TRIM11: variants seen among roughly 807,000 people sequenced by gnomAD.
The protein encoded by TRIM11 is tripartite motif containing 11.
A neutral mutation model predicts 33.4 loss-of-function variants in TRIM11; 15 were observed. The ratio of observed to expected loss-of-function variants is 0.45; its 90% CI spans 0.30 to 0.69. TRIM11 has a LOEUF of 0.69. Among genes scored for constraint, TRIM11 ranks in the 30% least tolerant of loss-of-function variants. The pLI, the probability that TRIM11 is intolerant of heterozygous loss-of-function variation, is 0.08. For synonymous variants in TRIM11, 281 were observed against 302.6 expected, an observed-to-expected ratio of 0.93 and a Z score of 0.74; for missense variants, 499 against 667.6, an observed-to-expected ratio of 0.75 and a Z score of 2.78.
At position 228,401,918 on chromosome 1, in the gene TRIM11, T is replaced by C; in HGVS notation, c.504+148A>G. On this transcript the variant is annotated intron_variant, in intron 2 of 5. Coordinates refer to ENST00000284551, the MANE Select transcript of TRIM11 (RefSeq NM_145214.3). The surrounding 1 kb of genome is among the most constrained non-coding windows in gnomAD (Gnocchi z 6.1). ...ACGTGGGAAAGGACCAGCCCTTCAG[T>C]GGGCTCGGTGGGGCCAGGCTGAAGC... 1 of 527,270 alleles carries C rather than the reference T, an allele frequency of 1.9e-6. No individual in the cohort carries two copies. The allele number at this position is 527,270 out of a possible 1,614,324, so 32.7% of individuals were successfully genotyped here.
rs1354188988 is a variant in TRIM11, at chr1:228,406,346, A to G, written c.216T>C (p.Ala72=). 42 of 1,489,036 alleles carry G rather than the reference A, an allele frequency of 2.8e-5. No homozygotes were observed. The highest frequency in any genetic ancestry group is 3.7e-5 in the Non-Finnish European group (42 of 1,120,928). The allele number at this position is 1,489,036 out of a possible 1,614,324, so 92.2% of individuals were successfully genotyped here. A position where few individuals can be genotyped will look rare whatever the true frequency, so the allele number is the denominator to read the frequency against. Residue 72 remains alanine, a synonymous_variant, in exon 1 of 6, where the codon GCT becomes GCC. Transcript: ENST00000284551. The surrounding 1 kb of genome is among the most constrained non-coding windows in gnomAD (Gnocchi z 8.2). Reference sequence around the variant, plus strand: ...GGCGCCGCGCCATCTCGGCCATCTTAGCAAGCGGGCGGTTGGGCCGCAGGT... The same window carrying G: ...GGCGCCGCGCCATCTCGGCCATCTTGGCAAGCGGGCGGTTGGGCCGCAGGT... ...QRNLRPNRPL[A]KMAEMARRLH... is the part of the protein sequence containing the mutation.
rs754851987 is a variant in TRIM11, at chr1:228,406,520, G to A, written c.42C>T (p.Ala14=). 1.3e-6 allele frequency: 2 copies of A among 1,576,724 alleles called. No homozygotes were observed. The highest frequency in any genetic ancestry group is 1.1e-5 in the South Asian group (1 of 87,608). ...AGTAGTCGAGGCAGATGGCGCAGGTGGCCTCCTCCTGGAGGTTGGTGGACA... is the reference window on the plus strand; with the variant it reads ...AGTAGTCGAGGCAGATGGCGCAGGTAGCCTCCTCCTGGAGGTTGGTGGACA... ...PDLSTNLQEE[A]TCAICLDYFT... is the part of the protein sequence containing the mutation. The change falls in exon 1 of 6, where the codon GCC becomes GCT. Residue 14 remains alanine, a synonymous_variant. Coordinates refer to ENST00000284551, the MANE Select transcript of TRIM11 (RefSeq NM_145214.3). The surrounding 1 kb of genome is among the most constrained non-coding windows in gnomAD (Gnocchi z 8.2).
Position 228,406,644 on chromosome 1 carries a change from C to G in TRIM11, c.-83G>C, listed in dbSNP as rs2149095781. On this transcript the variant is annotated 5_prime_UTR_variant, in exon 1 of 6. Transcript: ENST00000284551. This position sits in a 1 kb window ranked among gnomAD's most constrained non-coding sequence, Gnocchi z 8.2. The stretch of plus-strand genomic sequence containing the variant: ...GGCAGCTCGCGGGGACGCGGGGTAT[C>G]CGGGTGCGGCGGCGCAGGCTCGGGC... 4 of 1,297,424 alleles carry G rather than the reference C, an allele frequency of 3.1e-6. No individual in the cohort carries two copies. The highest frequency in any genetic ancestry group is 3.9e-6 in the Non-Finnish European group (4 of 1,015,530). The allele number at this position is 1,297,424 out of a possible 1,614,324, so 80.4% of individuals were successfully genotyped here. A position where few individuals can be genotyped will look rare whatever the true frequency, so the allele number is the denominator to read the frequency against.
chr1:228,395,696 G>GT lies in TRIM11; in HGVS notation c.860-445dup, dbSNP rs2074980175. 1 of 155,740 alleles carries GT rather than the reference G, an allele frequency of 6.4e-6. No individual in the cohort carries two copies. The highest frequency in any genetic ancestry group is 6.5e-5 in the Admixed American group (1 of 15,332). 9.6% of individuals were successfully genotyped at this position (155,740 alleles called of 1,614,324 possible). On this transcript the variant is annotated intron_variant, in intron 5 of 5. Transcript: ENST00000284551. This position sits in a 1 kb window ranked among gnomAD's most constrained non-coding sequence, Gnocchi z 4.8. The stretch of plus-strand genomic sequence containing the variant: ...GCCACCATGGCTGGCTCATTTTTTT[G>GT]TTTTTTATTTGTAGAGATGGGAGTC...
In TRIM11 at chr1:228,401,014, T is replaced by C. The variant is rs765091828; in HGVS notation, c.685A>G (p.Ile229Val). The C allele has an allele frequency of 1.2e-6, 2 of 1,606,482 alleles. No individual in the cohort carries two copies. The highest frequency in any genetic ancestry group is 2.2e-5 in the South Asian group (2 of 90,672). Residue 229 changes from isoleucine to valine, a missense_variant, in exon 3 of 6, where the codon ATC becomes GTC. By Grantham distance (29) the Ile-to-Val change is conservative. Coordinates refer to ENST00000284551, the MANE Select transcript of TRIM11 (RefSeq NM_145214.3). The surrounding 1 kb of genome is among the most constrained non-coding windows in gnomAD (Gnocchi z 6.1). The stretch of plus-strand genomic sequence containing the variant: ...TGGCAGCGGCCCTCGAGCTCGGCGA[T>C]GAGCTCAGCTAGGTGGGCGCTCTGC... ...GQQSAHLAEL[I>V]AELEGRCQLP...
At chr1:228,397,229 TC>T in intron 3 of TRIM11, 64 bp from the exon 4 acceptor site, 1 of 1,551,584 alleles carries the variant, frequency 6.4e-7, no homozygotes, top group Non-Finnish European at 8.8e-7. Flanking sequence ...TGGAGTCCCC[TC>T]CCCGCCCCTG....
Position 228,395,281 on chromosome 1 carries a change from G to T in TRIM11, c.860-29C>A, listed in dbSNP as rs1407448485. On this transcript the variant is annotated intron_variant, in intron 5 of 5. Transcript: ENST00000284551. This position sits in a 1 kb window ranked among gnomAD's most constrained non-coding sequence, Gnocchi z 4.8. ...CAGAGAGAGGCCCAAGGTCACCCAG[G>T]CACAGCCACAGGCAAGCTGGGGCCA... The T allele has an allele frequency of 7.0e-7, 1 of 1,424,402 alleles. No individual in the cohort carries two copies. Among genetic ancestry groups the T allele is most frequent in the East Asian group, 2.5e-5 (1 of 39,908 alleles). 88.2% of individuals were successfully genotyped at this position (1,424,402 alleles called of 1,614,324 possible).
In TRIM11 at chr1:228,401,954, C is replaced by G; in HGVS notation, c.504+112G>C. The G allele has an allele frequency of 3.9e-6, 3 of 766,224 alleles. No homozygotes were observed. The highest frequency in any genetic ancestry group is 6.0e-6 in the Non-Finnish European group (3 of 501,610). 47.5% of individuals were successfully genotyped at this position (766,224 alleles called of 1,614,324 possible). ...GGGCCAGGCTGAAGCAGTGACTGGTCCTGGGGCGCCAAGGGCAAGTGTGCC... is the reference window on the plus strand; with the variant it reads ...GGGCCAGGCTGAAGCAGTGACTGGTGCTGGGGCGCCAAGGGCAAGTGTGCC... On this transcript the variant is annotated intron_variant, in intron 2 of 5. Transcript: ENST00000284551. This position sits in a 1 kb window ranked among gnomAD's most constrained non-coding sequence, Gnocchi z 6.1.
At position 228,394,180 on chromosome 1, in the gene TRIM11, C is replaced by T. The variant is rs544814702; in HGVS notation, c.*525G>A. ...TCTCTGAAGACTCTTATTATGGCTGCCTCCTAATTCTTCCAGAGCAGCCAC... is the reference window on the plus strand; with the variant it reads ...TCTCTGAAGACTCTTATTATGGCTGTCTCCTAATTCTTCCAGAGCAGCCAC... On this transcript the variant is annotated 3_prime_UTR_variant, in exon 6 of 6. Transcript: ENST00000284551. This position sits in a 1 kb window ranked among gnomAD's most constrained non-coding sequence, Gnocchi z 6.2. 1 of 153,874 alleles carries T rather than the reference C, an allele frequency of 6.5e-6. No individual in the cohort carries two copies. Among genetic ancestry groups the T allele is most frequent in the African/African-American group, 2.4e-5 (1 of 41,512 alleles). 9.5% of individuals were successfully genotyped at this position (153,874 alleles called of 1,614,324 possible).
In TRIM11 at chr1:228,395,531, TTTA is replaced by T; in HGVS notation, c.860-282_860-280del. On this transcript the variant is annotated intron_variant, in intron 5 of 5. Coordinates refer to ENST00000284551, the MANE Select transcript of TRIM11 (RefSeq NM_145214.3). This position sits in a 1 kb window ranked among gnomAD's most constrained non-coding sequence, Gnocchi z 4.8. ...AATCTTGGTTGCTTTTTTTTTTTTTTTTAAAGAGGCAGGGTCTTGCTCTGTGGC... is the reference window on the plus strand; with the variant it reads ...AATCTTGGTTGCTTTTTTTTTTTTTTAAGAGGCAGGGTCTTGCTCTGTGGC... 1.5e-5 allele frequency: 5 copies of T among 324,970 alleles called. No individual in the cohort carries two copies. The highest frequency in any genetic ancestry group is 9.7e-5 in the East Asian group (2 of 20,618). The allele number at this position is 324,970 out of a possible 1,614,324, so 20.1% of individuals were successfully genotyped here.
At position 228,395,297 on chromosome 1, in the gene TRIM11, G is replaced by A. The variant is rs1423396657; in HGVS notation, c.860-45C>T. The A allele has an allele frequency of 7.1e-7, 1 of 1,414,570 alleles. No individual in the cohort carries two copies. Among genetic ancestry groups the A allele is most frequent in the Non-Finnish European group, 9.2e-7 (1 of 1,088,132 alleles). The allele number at this position is 1,414,570 out of a possible 1,614,324, so 87.6% of individuals were successfully genotyped here. ...GTCACCCAGGCACAGCCACAGGCAA[G>A]CTGGGGCCATCTGCCCATGTCCTGG... is the stretch of plus-strand genomic sequence containing the variant. On this transcript the variant is annotated intron_variant, in intron 5 of 5. Transcript: ENST00000284551. This position sits in a 1 kb window ranked among gnomAD's most constrained non-coding sequence, Gnocchi z 4.8.
In TRIM11 at chr1:228,395,374, C is replaced by T. The variant is rs1477167721; in HGVS notation, c.860-122G>A. 1.8e-6 allele frequency: 2 copies of T among 1,088,508 alleles called. No individual in the cohort carries two copies. The highest frequency in any genetic ancestry group is 2.4e-6 in the Non-Finnish European group (2 of 829,606). The allele number at this position is 1,088,508 out of a possible 1,614,324, so 67.4% of individuals were successfully genotyped here. On this transcript the variant is annotated intron_variant, in intron 5 of 5. Transcript: ENST00000284551. The surrounding 1 kb of genome is among the most constrained non-coding windows in gnomAD (Gnocchi z 4.8). Reference sequence around the variant, plus strand: ...GACGGCCTGGCTCTCTGCCCTGGGCCTGTAGCCTCACAACCTCCTGGAGTA... The same window carrying T: ...GACGGCCTGGCTCTCTGCCCTGGGCTTGTAGCCTCACAACCTCCTGGAGTA...
In TRIM11 at chr1:228,401,360, C is replaced by T. The variant is rs1187764522; in HGVS notation, c.505-166G>A. Among the ~76,000 whole-genome samples, 1 of 151,976 alleles carries T rather than the reference C, an allele frequency of 6.6e-6. No homozygotes were observed. The highest frequency in any genetic ancestry group is 1.5e-5 in the Non-Finnish European group (1 of 67,968). On this transcript the variant is annotated intron_variant, in intron 2 of 5. Coordinates refer to ENST00000284551, the MANE Select transcript of TRIM11 (RefSeq NM_145214.3). This position sits in a 1 kb window ranked among gnomAD's most constrained non-coding sequence, Gnocchi z 6.1. ...ACCAGGTGTGGCAGGACCCCAAACC[C>T]ACCACCTGGTGCTGGCCAGACCCCA...
Position 228,406,498 on chromosome 1 carries a change from A to T in TRIM11, c.64T>A (p.Tyr22Asn), listed in dbSNP as rs200645812. ...EEATCAICLD[Y>N]FTDPVMTDCG... is the part of the protein sequence containing the mutation. The stretch of plus-strand genomic sequence containing the variant: ...TCGGTCATCACCGGATCCGTGAAGT[A>T]GTCGAGGCAGATGGCGCAGGTGGCC... Residue 22 changes from tyrosine to asparagine, a missense_variant, in exon 1 of 6, where the codon TAC becomes AAC. Physicochemically the swap from Tyr to Asn is moderately radical, Grantham distance 143 (BLOSUM62 -2). Transcript: ENST00000284551. The surrounding 1 kb of genome is among the most constrained non-coding windows in gnomAD (Gnocchi z 8.2). 1 of 1,584,762 alleles carries T rather than the reference A, an allele frequency of 6.3e-7. No homozygotes were observed. The highest frequency in any genetic ancestry group is 1.7e-5 in the Admixed American group (1 of 57,684).
intron 5 of TRIM11, chr1:228,396,376 A>C: frequency 2.2e-6 from 1 of 446,670 alleles, no homozygotes; most frequent in Non-Finnish European, 4.0e-6. Context: ...GTTGGTGAGC[A>C]CACTGAGGTG....
At chr1:228,397,243 GCCTCGCCCCGTCCCCCTCT>G in intron 3 of TRIM11, 78 bp from the exon 4 acceptor site, 1 of 1,526,266 alleles carries the variant, frequency 6.6e-7, no homozygotes, top group South Asian at 1.2e-5. Flanking sequence ...CGCCCCTGGA[GCCTCGCCCCGTCCCCCTCT>G]CCTACATTTG....
intron 3 of TRIM11, 199 bp from the exon 4 acceptor site, chr1:228,397,364 G>A: frequency 1.6e-6 from 1 of 636,956 alleles, no homozygotes; most frequent in Non-Finnish European, 2.7e-6. Flanking sequence ...TCTGACATGT[G>A]TGCCAGGAGG....
intron 1 of TRIM11, chr1:228,404,265 T>G (rs1347580791): frequency 1.3e-5 from 2 of 152,364 alleles, no homozygotes; most frequent in Admixed American, 6.5e-5. Context: ...CCCATGGTGC[T>G]GCTTCCTGGA....
chr1:228,394,622 C>T lies in TRIM11; in HGVS notation c.*83G>A. 2 of 1,422,010 alleles carry T rather than the reference C, an allele frequency of 1.4e-6. No homozygotes were observed. Among genetic ancestry groups the T allele is most frequent in the Non-Finnish European group, 1.9e-6 (2 of 1,062,882 alleles). 88.1% of individuals were successfully genotyped at this position (1,422,010 alleles called of 1,614,324 possible). A position where few individuals can be genotyped will look rare whatever the true frequency, so the allele number is the denominator to read the frequency against. ...TCTTGCTCAAAGGACACACTCCCTC[C>T]TCCCAGGTCCTCCAAGTGGCCAAAA... On this transcript the variant is annotated 3_prime_UTR_variant, in exon 6 of 6. Coordinates refer to ENST00000284551, the MANE Select transcript of TRIM11 (RefSeq NM_145214.3). The surrounding 1 kb of genome is among the most constrained non-coding windows in gnomAD (Gnocchi z 6.2).
Sources: gnomAD v4.1 joint callset for allele counts (sites outside exome capture counted in the v4.1 genomes callset) on GRCh38, gnomAD v4.1.1 for gene constraint, Gnocchi (gnomAD v3.1) non-coding constraint, MANE v1.5 for transcripts, NCBI Gene and HGNC (gene_info 2026-07-23, HGNC 2026-07-21) for gene names.